LINGO2: variants seen among roughly 807,000 people sequenced by gnomAD.
LINGO2 encodes leucine-rich repeat and immunoglobulin-like domain-containing nogo receptor-interacting protein 2.
A neutral mutation model predicts 30.6 loss-of-function variants in LINGO2; 14 were observed. The ratio of observed to expected loss-of-function variants is 0.46; its 90% CI spans 0.30 to 0.72. The LOEUF (loss-of-function observed/expected upper bound fraction) is 0.72, where lower values mean the gene tolerates loss of function less well. LINGO2 is among the 30% of genes least tolerant of loss of function. The probability of loss-of-function intolerance (pLI) is 0.07; values close to 1 mark genes in which losing one functional copy is unlikely to be tolerated. For synonymous variants in LINGO2, 317 were observed against 288.5 expected (o/e 1.10, Z -1.00); for missense variants, 729 against 751.7 (o/e 0.97, Z 0.35).
intron 2 of LINGO2, among the ~76,000 whole-genome samples, chr9:28,395,344 A>T (rs770907035): frequency 2.0e-5 from 3 of 152,204 alleles, no homozygotes; most frequent in Non-Finnish European, 4.4e-5. Context: ...CGTGCTGGAA[A>T]ATGTCACTTT....
chr9:28,536,152 G>A (rs757992013), intron 1 of LINGO2, among the ~76,000 whole-genome samples: 4 of 152,120 alleles, frequency 2.6e-5, no homozygotes, highest in South Asian at 4.1e-4. Context: ...ATCAGAACCC[G>A]AAGATACACA....
chr9:28,750,814 T>A, the LINGO2 span, among the ~76,000 whole-genome samples: 1 of 152,092 alleles, frequency 6.6e-6, no homozygotes. Flanking sequence ...ACATACTTTG[T>A]GGAAGGCGGT....
chr9:28,227,090 A>C (rs1377449201), intron 4 of LINGO2, among the ~76,000 whole-genome samples: 1 of 152,116 alleles, frequency 6.6e-6, no homozygotes, highest in Non-Finnish European at 1.5e-5. Context: ...AGCTTGGCAA[A>C]GTGTCTGGCA....
At chr9:28,769,534 T>A in the LINGO2 span, among the ~76,000 whole-genome samples, 1 of 66,404 alleles carries the variant, frequency 1.5e-5, no homozygotes, top group Non-Finnish European at 2.9e-5. Flanking sequence ...TTTTTTTTTT[T>A]TTTTTTTTTT....
chr9:28,846,324 C>G, the LINGO2 span, among the ~76,000 whole-genome samples: 10 of 151,776 alleles, frequency 6.6e-5, no homozygotes, highest in Non-Finnish European at 1.5e-4. Context: ...TCGAGCCCAT[C>G]ATACCCAAAA....
chr9:28,486,585 G>A (rs997782794), intron 1 of LINGO2, among the ~76,000 whole-genome samples: 1 of 152,106 alleles, frequency 6.6e-6, no homozygotes, highest in Non-Finnish European at 1.5e-5. Context: ...GGGTGTGTAT[G>A]TATTCTTTTT....
At chr9:29,091,054 A>C in the LINGO2 span, among the ~76,000 whole-genome samples, 3 of 152,100 alleles carry the variant, frequency 2.0e-5, no homozygotes, top group African/African-American at 7.2e-5. Flanking sequence ...GTAATCATGA[A>C]AATGAAATAA....
chr9:28,131,058 C>T (rs1198297823), intron 4 of LINGO2, among the ~76,000 whole-genome samples: 1 of 151,894 alleles, frequency 6.6e-6, no homozygotes, highest in Non-Finnish European at 1.5e-5. Context: ...CTTATCTCCT[C>T]ATAATGAAGG....
At chr9:28,517,795 C>T (rs899576517) in intron 1 of LINGO2, among the ~76,000 whole-genome samples, 10 of 152,152 alleles carry the variant, frequency 6.6e-5, no homozygotes, top group Admixed American at 6.5e-4. Context: ...GAAATGTTTA[C>T]TCTACCCAGA....
At chr9:28,416,859 A>C (rs1822987091) in intron 2 of LINGO2, among the ~76,000 whole-genome samples, 1 of 152,192 alleles carries the variant, frequency 6.6e-6, no homozygotes, top group African/African-American at 2.4e-5. Context: ...TTTTTAATCT[A>C]ATGTATACAT....
intron 2 of LINGO2, among the ~76,000 whole-genome samples, chr9:28,433,442 T>C (rs796364021): frequency 3.3e-5 from 5 of 152,134 alleles, no homozygotes; most frequent in African/African-American, 1.2e-4. Context: ...CCCCTCTACT[T>C]AGGGACATGC....
chr9:28,890,379 G>A, the LINGO2 span, among the ~76,000 whole-genome samples: 1 of 151,950 alleles, frequency 6.6e-6, no homozygotes, highest in Non-Finnish European at 1.5e-5. Context: ...TTCCTAAATG[G>A]GTACACACTT....
intron 4 of LINGO2, among the ~76,000 whole-genome samples, chr9:28,014,186 G>A (rs945156967): frequency 6.6e-6 from 1 of 152,128 alleles, no homozygotes; most frequent in African/African-American, 2.4e-5. Flanking sequence ...GTGCGCTCGA[G>A]CATTTGGAAA....
the LINGO2 span, among the ~76,000 whole-genome samples, chr9:29,107,262 T>G: frequency 1.1e-4 from 16 of 152,128 alleles, no homozygotes; most frequent in African/African-American, 2.9e-4. Flanking sequence ...TTCACAAAGA[T>G]TACAATATAC....
At chr9:28,990,539 G>C in the LINGO2 span, among the ~76,000 whole-genome samples, 1 of 152,194 alleles carries the variant, frequency 6.6e-6, no homozygotes, top group Admixed American at 6.5e-5. Context: ...CCTGAGAACA[G>C]GCAGACTGCC....
the LINGO2 span, among the ~76,000 whole-genome samples, chr9:28,936,977 A>C: frequency 6.6e-6 from 1 of 152,162 alleles, no homozygotes; most frequent in African/African-American, 2.4e-5. Context: ...CTCTGTGTGC[A>C]TACACTTCTG....
intron 4 of LINGO2, among the ~76,000 whole-genome samples, chr9:28,279,289 T>C (rs955670932): frequency 6.6e-6 from 1 of 152,204 alleles, no homozygotes; most frequent in Admixed American, 6.5e-5. Context: ...GCAGTAGCAA[T>C]GTTTGAGAGA....
At chr9:29,211,270 C>T in the LINGO2 span, among the ~76,000 whole-genome samples, 14 of 152,112 alleles carry the variant, frequency 9.2e-5, no homozygotes, top group Non-Finnish European at 1.5e-4. Context: ...ACCAAGCAAA[C>T]ACAATAAGCA....
intron 2 of LINGO2, among the ~76,000 whole-genome samples, chr9:28,419,708 C>T (rs1203684263): frequency 2.6e-5 from 4 of 151,854 alleles, no homozygotes; most frequent in Non-Finnish European, 5.9e-5. Flanking sequence ...CAATGACATT[C>T]ATAAAATAAT....
Sources: allele counts gnomAD v4.1 joint callset (sites outside exome capture counted in the v4.1 genomes callset), GRCh38; gene constraint gnomAD v4.1.1; transcripts MANE v1.5; gene names NCBI Gene and HGNC (gene_info 2026-07-23, HGNC 2026-07-21).